Variants in SLC20A2 observed in about 807,000 individuals in gnomAD.
The protein encoded by SLC20A2 is sodium-dependent phosphate transporter 2.
SLC20A2 carries 30 observed loss-of-function variants against 61.0 expected under a neutral mutation model. The observed-to-expected ratio is 0.49, with a 90% CI of 0.37 to 0.67. The LOEUF is 0.67. Among genes scored for constraint, SLC20A2 ranks in the 30% least tolerant of loss-of-function variants. SLC20A2 has a pLI of 0.00. For missense variants in SLC20A2, 626 were observed against 866.4 expected (o/e 0.72, Z 3.48); for synonymous variants, 351 against 353.3 (o/e 0.99, Z 0.07).
chr8:42,452,548 G>A (rs968002043), intron 5 of SLC20A2, among the ~76,000 whole-genome samples: 1 of 151,342 alleles, frequency 6.6e-6, no homozygotes, highest in African/African-American at 2.4e-5. Flanking sequence ...AAGAGATAAA[G>A]AGGAGGAGCA....
intron 8 of SLC20A2, among the ~76,000 whole-genome samples, chr8:42,432,789 A>AT (rs1195668228): frequency 1.3e-5 from 2 of 152,212 alleles, no homozygotes; most frequent in Non-Finnish European, 2.9e-5. Context: ...TGCTAGCATT[A>AT]TTTTTTAGCA....
At chr8:42,451,989 G>T (rs1383475575) in intron 5 of SLC20A2, among the ~76,000 whole-genome samples, 2 of 119,688 alleles carry the variant, frequency 1.7e-5, no homozygotes, top group Admixed American at 8.0e-5. Flanking sequence ...AGGAGGAGGA[G>T]GAAGAGATGA....
intron 2 of SLC20A2, among the ~76,000 whole-genome samples, chr8:42,470,808 T>C (rs567615982): frequency 6.6e-6 from 1 of 151,756 alleles, no homozygotes; most frequent in East Asian, 1.9e-4. Flanking sequence ...ACCCTGTCTC[T>C]ACTAAAAATA....
At chr8:42,484,242 C>G (rs866019210) in intron 1 of SLC20A2, among the ~76,000 whole-genome samples, 17 of 152,244 alleles carry the variant, frequency 1.1e-4, no homozygotes, top group Non-Finnish European at 2.4e-4. Context: ...CATCAGAAAT[C>G]TGAAAACCTG....
chr8:42,533,698 C>T (rs1210181333), intron 1 of SLC20A2, among the ~76,000 whole-genome samples: 3 of 51,798 alleles, frequency 5.8e-5, no homozygotes, highest in South Asian at 6.2e-4. Flanking sequence ...CTTACTCTGT[C>T]GCCCAGGCTG....
At chr8:42,526,858 C>T (rs1365537446) in intron 1 of SLC20A2, among the ~76,000 whole-genome samples, 1 of 151,856 alleles carries the variant, frequency 6.6e-6, no homozygotes, top group African/African-American at 2.4e-5. Flanking sequence ...AGTCTCAGCA[C>T]TTTGAGGGGT....
intron 1 of SLC20A2, among the ~76,000 whole-genome samples, chr8:42,489,001 G>C (rs1191097482): frequency 7.4e-6 from 1 of 134,972 alleles, no homozygotes; most frequent in African/African-American, 2.8e-5. Context: ...ATGCAATGGT[G>C]CAGTCTTGGC....
chr8:42,420,549 T>C (rs1351799542), intron 10 of SLC20A2, among the ~76,000 whole-genome samples: 4 of 152,230 alleles, frequency 2.6e-5, no homozygotes, highest in Admixed American at 6.5e-5. Context: ...TAATTTTGTT[T>C]TTCTAGACTG....
chr8:42,436,769 C>T (rs777891313), intron 8 of SLC20A2, among the ~76,000 whole-genome samples: 1 of 152,210 alleles, frequency 6.6e-6, no homozygotes. Flanking sequence ...GCCATCCTGG[C>T]GGCTCCTGCC....
At chr8:42,533,654 C>CTTTTTTTCTTTTCTTTTTTTTTTTTTT (rs1253260874) in intron 1 of SLC20A2, among the ~76,000 whole-genome samples, 4 of 55,310 alleles carry the variant, frequency 7.2e-5, no homozygotes, top group African/African-American at 3.2e-4. Context: ...ATCAACTGTT[C>CTTTTTTTCTTTTCTTTTTTTTTTTTTT]TTTTTTTTTT....
Position 42,430,059 on chromosome 8 carries a change from C to T in SLC20A2, c.1709+5G>A. 6.2e-7 allele frequency: 1 copy of T among 1,605,590 alleles called. No individual in the cohort carries two copies. Among genetic ancestry groups the T allele is most frequent in the Non-Finnish European group, 8.5e-7 (1 of 1,176,560 alleles). On this transcript the variant is annotated splice_donor_5th_base_variant and intron_variant, in intron 9 of 10. Transcript: ENST00000520262. ...TGCCCTGCTCGTCCACCAGCCCAGG[C>T]TTACCTGGACGGCGTGATGGGAGTG... is the stretch of plus-strand genomic sequence containing the variant.
chr8:42,471,327 G>A (rs1807622608), intron 2 of SLC20A2: 2 of 423,888 alleles, frequency 4.7e-6, no homozygotes, highest in Non-Finnish European at 9.4e-6. Flanking sequence ...TGTCCGCTTA[G>A]GCCATGGGGA....
chr8:42,475,693 G>GA (rs1290086234), intron 1 of SLC20A2, among the ~76,000 whole-genome samples: 1 of 151,998 alleles, frequency 6.6e-6, no homozygotes, highest in African/African-American at 2.4e-5. Context: ...TTACAGGCGT[G>GA]AGCCACCACA....
In SLC20A2 at chr8:42,463,010, T is replaced by C. The variant is rs763565914; in HGVS notation, c.511A>G (p.Lys171Glu). Residue 171 changes from lysine (K) to glutamate (E), a missense_variant, in exon 4 of 11, where the codon AAA (lysine) becomes GAA (glutamate). Transcript: ENST00000520262. ...AAAGTAGCAGCCCCACTTACCTTTT[T>C]TAAGATGAAAATTCTGATGAGTACA... The part of the protein sequence containing the change: ...LFVLIRIFIL[K>E]KEDPVPNGLR... 1 of 1,590,182 alleles carries C rather than the reference T, an allele frequency of 6.3e-7. No homozygotes were observed. Among genetic ancestry groups the C allele is most frequent in the Admixed American group, 1.8e-5 (1 of 55,314 alleles).
At chr8:42,423,322 T>A (rs1284865561) in intron 10 of SLC20A2, among the ~76,000 whole-genome samples, 1 of 146,596 alleles carries the variant, frequency 6.8e-6, no homozygotes, top group African/African-American at 2.7e-5. Context: ...TTAGCACAAC[T>A]TATCTTTAAA....
At chr8:42,426,065 C>T (rs1803392596) in intron 10 of SLC20A2, among the ~76,000 whole-genome samples, 2 of 151,856 alleles carry the variant, frequency 1.3e-5, no homozygotes, top group Admixed American at 1.3e-4. Flanking sequence ...GTACTTTGTA[C>T]AGGTATTTTA....
chr8:42,531,929 C>G (rs547313400), intron 1 of SLC20A2, among the ~76,000 whole-genome samples: 1 of 151,964 alleles, frequency 6.6e-6, no homozygotes, highest in Non-Finnish European at 1.5e-5. Context: ...AGAAATTCTC[C>G]TGCCCCAGCC....
At chr8:42,478,068 T>C (rs1808268012) in intron 1 of SLC20A2, among the ~76,000 whole-genome samples, 1 of 151,234 alleles carries the variant, frequency 6.6e-6, no homozygotes, top group Admixed American at 6.6e-5. Context: ...GTATTTTTAG[T>C]AGAGACACGG....
At position 42,453,086 on chromosome 8, in the gene SLC20A2, G is replaced by A. The variant is rs181326264; in HGVS notation, c.613+6810C>T. Reference sequence around the variant, plus strand: ...TGACAAGTTCCTGCATGCTATTGCTGGCCAGGGACCACACATTGCCTTAGA... The same window carrying A: ...TGACAAGTTCCTGCATGCTATTGCTAGCCAGGGACCACACATTGCCTTAGA... On this transcript the variant is annotated intron_variant, in intron 5 of 10. Coordinates refer to ENST00000520262, the MANE Select transcript of SLC20A2 (RefSeq NM_001257180.2). 2.1e-3 allele frequency among the ~76,000 whole-genome samples: 326 copies of A among 152,200 alleles called. 3 individuals carry two copies. Among genetic ancestry groups the A allele is most frequent in the Non-Finnish European group, 3.4e-3 (229 of 68,010 alleles).
Sources: allele counts gnomAD v4.1 joint callset (sites outside exome capture counted in the v4.1 genomes callset), GRCh38; gene constraint gnomAD v4.1.1; transcripts MANE v1.5; gene names NCBI Gene and HGNC (gene_info 2026-07-23, HGNC 2026-07-21).